Variants in SYNDIG1 observed in about 807,000 individuals in gnomAD.
SYNDIG1 encodes synapse differentiation-inducing gene protein 1.
Under a neutral mutation model 19.4 loss-of-function variants are expected in SYNDIG1, and 9 were observed. The observed-to-expected ratio is 0.46, with a 90% CI of 0.28 to 0.81. The LOEUF is 0.81. SYNDIG1 is among the 30% of genes least tolerant of loss of function. The pLI is 0.12. For missense variants in SYNDIG1, 311 were observed against 343.3 expected, an observed-to-expected ratio of 0.91 and a Z score of 0.74; for synonymous variants, 141 against 145.9, an observed-to-expected ratio of 0.97 and a Z score of 0.24.
chr20:24,585,067 C>T (rs1006057505), intron 3 of SYNDIG1, 74 bp downstream of exon 3: 12 of 1,537,962 alleles, frequency 7.8e-6, no homozygotes, highest in South Asian at 2.4e-5. Context: ...CAATCCCAGC[C>T]GAGGAGGAGA....
chr20:24,532,273 A>T (rs1205903056), intron 1 of SYNDIG1, among the ~76,000 whole-genome samples: 1 of 152,222 alleles, frequency 6.6e-6, no homozygotes, highest in African/African-American at 2.4e-5. Context: ...AGGTAAACAC[A>T]GTGCAGTGCT....
At chr20:24,550,532 G>A (rs1224540873) in intron 2 of SYNDIG1, among the ~76,000 whole-genome samples, 4 of 147,364 alleles carry the variant, frequency 2.7e-5, no homozygotes, top group African/African-American at 7.6e-5. Flanking sequence ...TTTTTGAGAC[G>A]GAGTCTCTCT....
intron 1 of SYNDIG1, among the ~76,000 whole-genome samples, chr20:24,506,272 A>G (rs2146421823): frequency 2.0e-5 from 3 of 152,376 alleles, no homozygotes; most frequent in Middle Eastern, 3.4e-3. Flanking sequence ...GGGCATGTGG[A>G]ATAAGATGAG....
chr20:24,627,188 G>T (rs2059162513), intron 3 of SYNDIG1, among the ~76,000 whole-genome samples: 1 of 124,322 alleles, frequency 8.0e-6, no homozygotes, highest in Non-Finnish European at 1.9e-5. Flanking sequence ...AGCGAGAGCT[G>T]CCTGGGACAT....
At chr20:24,550,149 T>G (rs2057676630) in intron 2 of SYNDIG1, among the ~76,000 whole-genome samples, 1 of 152,212 alleles carries the variant, frequency 6.6e-6, no homozygotes, top group South Asian at 2.1e-4. Context: ...GCCAGGAAAC[T>G]GCCCTCTTCT....
intron 3 of SYNDIG1, among the ~76,000 whole-genome samples, chr20:24,628,296 C>G (rs764935076): frequency 6.6e-6 from 1 of 152,220 alleles, no homozygotes; most frequent in African/African-American, 2.4e-5. Context: ...GCCCCGCAAA[C>G]TTGGACGTCT....
chr20:24,514,077 G>C (rs2056809588), intron 1 of SYNDIG1, among the ~76,000 whole-genome samples: 1 of 152,184 alleles, frequency 6.6e-6, no homozygotes, highest in Non-Finnish European at 1.5e-5. Context: ...CAAATGCTGA[G>C]AGATTTTGTC....
At chr20:24,581,175 G>A (rs906452126) in intron 2 of SYNDIG1, among the ~76,000 whole-genome samples, 6 of 152,108 alleles carry the variant, frequency 3.9e-5, no homozygotes, top group Non-Finnish European at 4.4e-5. Flanking sequence ...GTGCGCAGCT[G>A]GCATCGGGGA....
chr20:24,614,096 T>C (rs940609562), intron 3 of SYNDIG1, among the ~76,000 whole-genome samples: 1 of 152,218 alleles, frequency 6.6e-6, no homozygotes, highest in Non-Finnish European at 1.5e-5. Flanking sequence ...TGGGGCTCAA[T>C]TGATCCTCCT....
chr20:24,490,738 CAGGG>C (rs1189008460), intron 1 of SYNDIG1, among the ~76,000 whole-genome samples: 2 of 152,212 alleles, frequency 1.3e-5, no homozygotes, highest in Non-Finnish European at 2.9e-5. Flanking sequence ...AGGCTAGCAC[CAGGG>C]AATGGGCTGA....
chr20:24,646,509 C>A (rs949264640), intron 3 of SYNDIG1, among the ~76,000 whole-genome samples: 5 of 152,266 alleles, frequency 3.3e-5, no homozygotes, highest in South Asian at 4.2e-4. Context: ...CTGGCACACC[C>A]CACTTCCTCT....
chr20:24,659,109 G>A lies in SYNDIG1; in HGVS notation c.619-6237G>A, dbSNP rs572151866. 4.6e-5 allele frequency among the ~76,000 whole-genome samples: 7 copies of A among 152,268 alleles called. No homozygotes were observed. The South Asian group carries it at 8.3e-4, about 18-fold the overall frequency. On this transcript the variant is annotated intron_variant, in intron 3 of 3. Coordinates refer to ENST00000376862, the MANE Select transcript of SYNDIG1 (RefSeq NM_024893.3). The stretch of plus-strand genomic sequence containing the variant: ...TACTGCTGAGCGTGGCATACTGCCC[G>A]AACTGGAGCCAAGTCCTCCCTGTGC...
At chr20:24,601,963 T>A (rs2058685795) in intron 3 of SYNDIG1, among the ~76,000 whole-genome samples, 1 of 151,762 alleles carries the variant, frequency 6.6e-6, no homozygotes, top group South Asian at 2.1e-4. Context: ...GTGTCTCAAA[T>A]TCTGCCAAAC....
At chr20:24,491,526 G>C (rs1349372557) in intron 1 of SYNDIG1, 1 of 152,250 alleles carries the variant, frequency 6.6e-6, no homozygotes, top group East Asian at 1.9e-4. Flanking sequence ...AGCATGCCCT[G>C]CTGCAGGAGG....
At chr20:24,510,586 G>C (rs1382461981) in intron 1 of SYNDIG1, among the ~76,000 whole-genome samples, 1 of 148,814 alleles carries the variant, frequency 6.7e-6, no homozygotes, top group Non-Finnish European at 1.5e-5. Flanking sequence ...AAAAAAAAAA[G>C]AAAAGAAATA....
chr20:24,528,965 T>A lies in SYNDIG1; in HGVS notation c.-78-14055T>A, dbSNP rs2057184314. 1.3e-5 allele frequency among the ~76,000 whole-genome samples: 2 copies of A among 152,142 alleles called. 1 individual carries two copies. The highest frequency in any genetic ancestry group is 4.1e-4 in the South Asian group (2 of 4,826). Reference sequence around the variant, plus strand: ...CAAGGCACATTAAGAGTGTGAAATCTCAGAGAGAGTGTGAGTGCAGGCTTG... The same window carrying A: ...CAAGGCACATTAAGAGTGTGAAATCACAGAGAGAGTGTGAGTGCAGGCTTG... On this transcript the variant is annotated intron_variant, in intron 1 of 3. Transcript: ENST00000376862.
intron 2 of SYNDIG1, among the ~76,000 whole-genome samples, chr20:24,550,351 G>A (rs977241433): frequency 6.6e-6 from 1 of 152,190 alleles, no homozygotes; most frequent in Admixed American, 6.5e-5. Flanking sequence ...ATGCCAAGTA[G>A]TGGGGTTGCT....
intron 3 of SYNDIG1, among the ~76,000 whole-genome samples, chr20:24,659,839 T>C (rs2059566325): frequency 6.6e-6 from 1 of 152,256 alleles, no homozygotes; most frequent in African/African-American, 2.4e-5. Flanking sequence ...TTTTACAAGT[T>C]TTATAAAATG....
At chr20:24,624,867 A>T (rs919201166) in intron 3 of SYNDIG1, among the ~76,000 whole-genome samples, 1 of 152,222 alleles carries the variant, frequency 6.6e-6, no homozygotes, top group African/African-American at 2.4e-5. Flanking sequence ...ACAACAAAAT[A>T]ATTAAGACAG....
Sources: gnomAD v4.1 joint callset for allele counts (sites outside exome capture counted in the v4.1 genomes callset) on GRCh38, gnomAD v4.1.1 for gene constraint, MANE v1.5 for transcripts, NCBI Gene and HGNC (gene_info 2026-07-23, HGNC 2026-07-21) for gene names.